Variants in ASRGL1 observed in about 807,000 individuals in gnomAD.
ASRGL1 encodes isoaspartyl peptidase/L-asparaginase.
ASRGL1 carries 16 observed loss-of-function variants against 22.4 expected under a neutral mutation model. The ratio of observed to expected loss-of-function variants is 0.71; its 90% CI spans 0.48 to 1.08. ASRGL1 has a LOEUF of 1.08. ASRGL1 is among the 50% of genes least tolerant of loss of function. ASRGL1 has a pLI of 0.00. For missense variants in ASRGL1, 412 were observed against 410.1 expected (o/e 1.00, Z -0.04); for synonymous variants, 165 against 159.3 (o/e 1.04, Z -0.27).
At chr11:62,376,453 G>A (rs1024579167) in intron 4 of ASRGL1, among the ~76,000 whole-genome samples, 8 of 151,934 alleles carry the variant, frequency 5.3e-5, no homozygotes, top group African/African-American at 1.7e-4. Flanking sequence ...TTTCCCCCAC[G>A]TTACCACCTT....
chr11:62,355,449 C>T (rs1946260610), intron 2 of ASRGL1, among the ~76,000 whole-genome samples: 1 of 146,494 alleles, frequency 6.8e-6, no homozygotes, highest in East Asian at 2.1e-4. Context: ...TGATCTCGAT[C>T]TCCTGACCTC....
At chr11:62,360,248 G>T (rs573379043) in intron 4 of ASRGL1, among the ~76,000 whole-genome samples, 11 of 151,410 alleles carry the variant, frequency 7.3e-5, no homozygotes, top group African/African-American at 1.2e-4. Flanking sequence ...GACTGGTCTC[G>T]AACTCCTGAC....
intron 4 of ASRGL1, among the ~76,000 whole-genome samples, chr11:62,386,441 A>ATCATAGATATGTACATATCATACATT (rs1947205930): frequency 6.6e-6 from 1 of 152,126 alleles, no homozygotes; most frequent in Non-Finnish European, 1.5e-5. Context: ...ATTAAACTTT[A>ATCATAGATATGTACATATCATACATT]TCATAGATAT....
In ASRGL1 at chr11:62,362,592, A is replaced by ATATATATTATATAAAATATATAT. The variant is rs1217553342; in HGVS notation, c.491+5472_491+5494dup. Among the ~76,000 whole-genome samples the ATATATATTATATAAAATATATAT allele has an allele frequency of 1.3e-4, 3 of 23,390 alleles. No individual in the cohort carries two copies. The South Asian group carries it at 2.4e-3, about 19-fold the overall frequency. 15.3% of individuals were successfully genotyped at this position (23,390 alleles called of 152,430 possible). ...TAATATATATTATATAAAATATATA[A>ATATATATTATATAAAATATATAT]TATATATTATATAAAATATATATTA... On this transcript the variant is annotated intron_variant, in intron 4 of 6. Transcript: ENST00000415229.
intron 2 of ASRGL1, among the ~76,000 whole-genome samples, chr11:62,352,984 A>C (rs1398017166): frequency 1.3e-5 from 2 of 152,144 alleles, no homozygotes; most frequent in Non-Finnish European, 2.9e-5. Flanking sequence ...AAATACAAGG[A>C]ATTTTCAGGC....
intron 4 of ASRGL1, among the ~76,000 whole-genome samples, chr11:62,381,475 G>A (rs561712361): frequency 7.9e-5 from 12 of 152,200 alleles, no homozygotes; most frequent in African/African-American, 2.7e-4. Flanking sequence ...GCTTTCAGGG[G>A]CATCAGCAAC....
downstream of ASRGL1, among the ~76,000 whole-genome samples, chr11:62,397,980 C>T (rs1363745863): frequency 6.6e-6 from 1 of 152,034 alleles, no homozygotes; most frequent in East Asian, 1.9e-4. Flanking sequence ...GGGCCCCGGG[C>T]CCCTCGGCGT....
chr11:62,371,346 G>A (rs1305270802), intron 4 of ASRGL1: 8 of 968,432 alleles, frequency 8.3e-6, no homozygotes, highest in African/African-American at 7.0e-5. Flanking sequence ...AGCGCGCGGC[G>A]CAGCCTGTGG....
intron 4 of ASRGL1, among the ~76,000 whole-genome samples, chr11:62,358,681 A>G (rs1313149556): frequency 2.0e-5 from 3 of 152,194 alleles, no homozygotes; most frequent in Non-Finnish European, 4.4e-5. Context: ...TTGTCACTCA[A>G]CATTGGCACA....
chr11:62,383,329 C>G (rs887960469), intron 4 of ASRGL1: 5 of 151,388 alleles, frequency 3.3e-5, no homozygotes, highest in Non-Finnish European at 7.3e-5. Context: ...AGGGGCCGGG[C>G]GCGGTGGCTC....
At chr11:62,384,728 G>A (rs1381772210) in intron 4 of ASRGL1, among the ~76,000 whole-genome samples, 1 of 139,882 alleles carries the variant, frequency 7.1e-6, no homozygotes, top group Non-Finnish European at 1.5e-5. Flanking sequence ...CCACCCTGGG[G>A]CCAACATGGT....
chr11:62,373,317 G>C, intron 4 of ASRGL1: 1 of 602,152 alleles, frequency 1.7e-6, no homozygotes, highest in East Asian at 2.7e-5. Context: ...CTGAGGTTCC[G>C]TTTTACAAGT....
At chr11:62,365,772 C>A (rs72923223) in intron 4 of ASRGL1, among the ~76,000 whole-genome samples, 7 of 152,156 alleles carry the variant, frequency 4.6e-5, no homozygotes, top group Non-Finnish European at 1.0e-4. Flanking sequence ...TTCCTTAAAC[C>A]CAGGAGGCAG....
Position 62,372,188 on chromosome 11 carries a change from C to A in ASRGL1, c.491+15044C>A, listed in dbSNP as rs1250393987. The A allele has an allele frequency of 2.9e-6, 3 of 1,043,420 alleles. No homozygotes were observed. In the African/African-American group the frequency reaches 4.7e-5, roughly 16 times the overall value. 64.6% of individuals were successfully genotyped at this position (1,043,420 alleles called of 1,614,324 possible). A position where few individuals can be genotyped will look rare whatever the true frequency, so the allele number is the denominator to read the frequency against. ...TGGTGACACCAAGAGAGTAGAAGCCCCCAGACTCACCGAGGGTCTCAGCCA... is the reference window on the plus strand; with the variant it reads ...TGGTGACACCAAGAGAGTAGAAGCCACCAGACTCACCGAGGGTCTCAGCCA... On this transcript the variant is annotated intron_variant, in intron 4 of 6. Transcript: ENST00000415229.
intron 4 of ASRGL1, among the ~76,000 whole-genome samples, chr11:62,387,883 A>G (rs941881687): frequency 1.3e-5 from 2 of 152,196 alleles, no homozygotes; most frequent in African/African-American, 2.4e-5. Context: ...GCTGGTGGGT[A>G]TGCTGGGGTG....
chr11:62,393,858 C>T (rs1194710148), downstream of ASRGL1, among the ~76,000 whole-genome samples: 4 of 151,670 alleles, frequency 2.6e-5, no homozygotes, highest in South Asian at 2.1e-4. Flanking sequence ...TGGTGTCTCC[C>T]GAGGCCTCTC....
chr11:62,340,602 G>A (rs1334435023), intron 2 of ASRGL1, among the ~76,000 whole-genome samples: 1 of 152,126 alleles, frequency 6.6e-6, no homozygotes, highest in African/African-American at 2.4e-5. Context: ...TTTTTGCTCT[G>A]TATCCAGAGG....
At chr11:62,391,362 T>C in intron 5 of ASRGL1, 160 bp from the exon 6 acceptor site, 1 of 1,141,258 alleles carries the variant, frequency 8.8e-7, no homozygotes, top group Non-Finnish European at 1.2e-6. Flanking sequence ...ACATGACGCT[T>C]TCTAGTCCAC....
rs367883842 is a variant in ASRGL1, at chr11:62,357,137, T to C, written c.484T>C (p.Cys162Arg). The C allele has an allele frequency of 2.5e-6, 4 of 1,612,928 alleles. No individual in the cohort carries two copies. Among genetic ancestry groups the C allele is most frequent in the Non-Finnish European group, 3.4e-6 (4 of 1,179,712 alleles). Residue 162 changes from cysteine (C) to arginine (R), a missense_variant, in exon 4 of 7, where the codon TGT (cysteine) becomes CGT (arginine). Physicochemically the swap from Cys to Arg is radical, Grantham distance 180. Transcript: ENST00000415229. ...KHEKGAQKTD[C>R]QKNLGTVGAV... ...TGAAAAAGGTGCTCAGAAAACAGAT[T>C]GTCAAAAGTAAGTCTTACCTGTGGC...
Sources: allele counts gnomAD v4.1 joint callset (sites outside exome capture counted in the v4.1 genomes callset), GRCh38; gene constraint gnomAD v4.1.1; transcripts MANE v1.5; gene names NCBI Gene and HGNC (gene_info 2026-07-23, HGNC 2026-07-21).